TNFSF11: variants seen among roughly 807,000 people sequenced by gnomAD.
The protein encoded by TNFSF11 is TNF superfamily member 11, also known as tumor necrosis factor ligand superfamily member 11.
Under a neutral mutation model 32.2 loss-of-function variants are expected in TNFSF11, and 12 were observed. The ratio of observed to expected loss-of-function variants is 0.37; its 90% CI spans 0.24 to 0.60. TNFSF11 has a LOEUF of 0.60. Ranked by LOEUF, TNFSF11 falls within the 20% of genes least tolerant of loss-of-function variation. The pLI, the probability that TNFSF11 is intolerant of heterozygous loss-of-function variation, is 0.66. For synonymous variants in TNFSF11, 172 were observed against 152.1 expected (o/e 1.13, Z -0.96); for missense variants, 345 against 398.0 (o/e 0.87, Z 1.13).
intron 2 of TNFSF11, among the ~76,000 whole-genome samples, chr13:42,597,499 G>A (rs996400961): frequency 8.5e-5 from 13 of 152,116 alleles, no homozygotes; most frequent in Non-Finnish European, 1.9e-4. Context: ...TTCCCGGGTA[G>A]AAGAGGACAA....
rs200795736 is a variant in TNFSF11, at chr13:42,600,874, C to A, written c.434-9C>A. The A allele has an allele frequency of 6.2e-7, 1 of 1,614,130 alleles. No individual in the cohort carries two copies. ...TTGGCTATAATAATATGGTTTCTCT[C>A]ATCTCCAGCGATGGTGGATGGCTCA... On this transcript the variant is annotated splice_polypyrimidine_tract_variant and intron_variant, in intron 3 of 4. Transcript: ENST00000398795.
intron 2 of TNFSF11, among the ~76,000 whole-genome samples, chr13:42,597,712 G>A (rs1403445032): frequency 6.6e-6 from 1 of 152,158 alleles, no homozygotes. Flanking sequence ...CAAATCTACT[G>A]GATCAGAAAC....
rs199927090 is a variant in TNFSF11 at position 42,606,988 on chromosome 13, A to T, written c.*70A>T. 17 of 1,597,456 alleles carry T rather than the reference A, an allele frequency of 1.1e-5. No individual in the cohort carries two copies. The highest frequency in any genetic ancestry group is 7.8e-5 in the South Asian group (7 of 90,108). On this transcript the variant is annotated 3_prime_UTR_variant, in exon 5 of 5. Coordinates refer to ENST00000398795, the MANE Select transcript of TNFSF11 (RefSeq NM_003701.4). ...CATTTTTTAAAACAAGCCAAGAAAG[A>T]TGTATATAGGTGTGTGAGACTACTA...
intron 1 of TNFSF11, among the ~76,000 whole-genome samples, chr13:42,577,943 C>T (rs527797501): frequency 5.9e-5 from 9 of 152,292 alleles, no homozygotes; most frequent in African/African-American, 1.2e-4. Context: ...TGTTTTCAGA[C>T]GTGTCTAAGT....
intron 1 of TNFSF11, chr13:42,563,047 A>G (rs1872728281): frequency 6.6e-6 from 1 of 152,190 alleles, no homozygotes; most frequent in African/African-American, 2.4e-5. Context: ...TTCCAGTGGG[A>G]AAATCTTTAA....
intron 2 of TNFSF11, among the ~76,000 whole-genome samples, chr13:42,586,375 G>A (rs1254812756): frequency 6.6e-6 from 1 of 152,214 alleles, no homozygotes; most frequent in African/African-American, 2.4e-5. Flanking sequence ...AAGCCATTCA[G>A]AATGTTACAA....
chr13:42,569,557 A>AAAAAAG (rs398022496), upstream of TNFSF11, among the ~76,000 whole-genome samples: 184 of 67,564 alleles, frequency 2.7e-3, 1 homozygote, highest in African/African-American at 5.6e-3. Flanking sequence ...CAAAAAAAAA[A>AAAAAAG]AAAAGAAAAG....
chr13:42,599,341 CTATCTATCATCTATCT>C (rs1869012295), intron 2 of TNFSF11, among the ~76,000 whole-genome samples: 1 of 92,264 alleles, frequency 1.1e-5, no homozygotes. Context: ...ATCTATCTAT[CTATCTATCATCTATCT>C]ATCTATCTAT....
chr13:42,577,086 A>G (rs899006357), intron 1 of TNFSF11, among the ~76,000 whole-genome samples: 3 of 152,214 alleles, frequency 2.0e-5, no homozygotes, highest in Non-Finnish European at 4.4e-5. Context: ...TGAATCAACT[A>G]TCTGAGGTTT....
At chr13:42,598,722 A>G (rs993343946) in intron 2 of TNFSF11, among the ~76,000 whole-genome samples, 3 of 152,254 alleles carry the variant, frequency 2.0e-5, no homozygotes, top group African/African-American at 7.2e-5. Flanking sequence ...TTACACTCAC[A>G]TTTGCAGCAG....
chr13:42,587,729 A>G (rs1314611524), intron 2 of TNFSF11, among the ~76,000 whole-genome samples: 1 of 152,244 alleles, frequency 6.6e-6, no homozygotes, highest in Non-Finnish European at 1.5e-5. Context: ...ATTAAAAACT[A>G]GAAAGTTCAC....
intron 4 of TNFSF11, among the ~76,000 whole-genome samples, chr13:42,604,245 A>G (rs1174050418): frequency 6.6e-6 from 1 of 152,214 alleles, no homozygotes. Context: ...CTTGAATTTC[A>G]TGGATTTTGT....
At chr13:42,598,840 A>C (rs1868967028) in intron 2 of TNFSF11, among the ~76,000 whole-genome samples, 1 of 152,246 alleles carries the variant, frequency 6.6e-6, no homozygotes, top group Non-Finnish European at 1.5e-5. Context: ...TGTGTTATCT[A>C]TAAGTCTGTT....
intron 1 of TNFSF11, among the ~76,000 whole-genome samples, chr13:42,580,281 G>A (rs559800237): frequency 1.3e-5 from 2 of 152,228 alleles, no homozygotes; most frequent in Non-Finnish European, 2.9e-5. Context: ...ATTTTAAAGA[G>A]TAGTGATTAA....
At chr13:42,576,093 G>A (rs1035548784) in intron 1 of TNFSF11, among the ~76,000 whole-genome samples, 1 of 152,232 alleles carries the variant, frequency 6.6e-6, no homozygotes, top group African/African-American at 2.4e-5. Context: ...AAACAAAAGA[G>A]CAACAATCAG....
chr13:42,584,170 G>T (rs887157725), intron 2 of TNFSF11, among the ~76,000 whole-genome samples: 1 of 152,160 alleles, frequency 6.6e-6, no homozygotes, highest in African/African-American at 2.4e-5. Flanking sequence ...CATAATTTTT[G>T]AGGTATAACT....
At chr13:42,580,400 C>T (rs1427712620) in intron 1 of TNFSF11, among the ~76,000 whole-genome samples, 1 of 152,186 alleles carries the variant, frequency 6.6e-6, no homozygotes, top group Non-Finnish European at 1.5e-5. Flanking sequence ...TAGCATCCCT[C>T]CAGCACACGT....
intron 1 of TNFSF11, among the ~76,000 whole-genome samples, chr13:42,576,221 A>C (rs1268250124): frequency 1.3e-5 from 2 of 152,226 alleles, no homozygotes; most frequent in South Asian, 2.1e-4. Context: ...GAGCAGTAGG[A>C]AATGAAGGAG....
intron 2 of TNFSF11, among the ~76,000 whole-genome samples, chr13:42,594,838 A>T (rs1461464780): frequency 6.6e-6 from 1 of 152,208 alleles, no homozygotes; most frequent in Non-Finnish European, 1.5e-5. Flanking sequence ...GAGAGGCAGT[A>T]CTAGAGACCA....
Sources: allele counts gnomAD v4.1 joint callset (sites outside exome capture counted in the v4.1 genomes callset), GRCh38; gene constraint gnomAD v4.1.1; transcripts MANE v1.5; gene names NCBI Gene and HGNC (gene_info 2026-07-23, HGNC 2026-07-21).